The following ATP10A variants were observed in gnomAD, a reference collection of about 807,000 sequenced individuals.
ATP10A encodes phospholipid-transporting ATPase VA.
ATP10A carries 111 observed loss-of-function variants against 147.8 expected under a neutral mutation model. The ratio of observed to expected loss-of-function variants is 0.75; its 90% CI spans 0.64 to 0.88. The LOEUF is 0.88. Ranked by LOEUF, ATP10A falls within the 40% of genes least tolerant of loss-of-function variation. The pLI is 0.00. For missense variants in ATP10A, 1,927 were observed against 1,959.0 expected, an observed-to-expected ratio of 0.98 and a Z score of 0.31; for synonymous variants, 875 against 841.6, an observed-to-expected ratio of 1.04 and a Z score of -0.69.
At chr15:25,790,599 A>G (rs1890368226) in intron 1 of ATP10A, among the ~76,000 whole-genome samples, 1 of 152,242 alleles carries the variant, frequency 6.6e-6, no homozygotes, top group South Asian at 2.1e-4. Flanking sequence ...ACTCACTACA[A>G]TGCAACACTG....
chr15:25,735,256 C>A (rs1352577301), intron 3 of ATP10A, among the ~76,000 whole-genome samples: 1 of 152,190 alleles, frequency 6.6e-6, no homozygotes, highest in Non-Finnish European at 1.5e-5. Context: ...CTCCAGAAGA[C>A]CATCCCCAAG....
intron 3 of ATP10A, among the ~76,000 whole-genome samples, chr15:25,728,768 G>C (rs532270721): frequency 6.6e-6 from 1 of 152,360 alleles, no homozygotes; most frequent in East Asian, 1.9e-4. Context: ...AGCAACTACT[G>C]TGATTTCTGA....
chr15:25,804,554 G>T (rs1412390972), intron 1 of ATP10A, among the ~76,000 whole-genome samples: 1 of 152,052 alleles, frequency 6.6e-6, no homozygotes, highest in Non-Finnish European at 1.5e-5. Context: ...ACACGGAAAG[G>T]ACAAATGACA....
In ATP10A at chr15:25,679,788, G is replaced by T; in HGVS notation, c.4053C>A (p.Ser1351=). 6.2e-7 allele frequency: 1 copy of T among 1,612,840 alleles called. No homozygotes were observed. Among genetic ancestry groups the T allele is most frequent in the Non-Finnish European group, 8.5e-7 (1 of 1,179,826 alleles). The change falls in exon 21 of 21, where the codon TCC becomes TCA. Residue 1351 remains serine, a synonymous_variant. Transcript: ENST00000555815. The stretch of plus-strand genomic sequence containing the variant: ...GCTGCTGTGTGTGCCAAGAAGGCTG[G>T]GACAGGGGCACAGAGGTCTTGACTG... ...GRTVKTSVPL[S]QPSWHTQQPV...
chr15:25,808,405 TA>T (rs35454238), intron 1 of ATP10A, among the ~76,000 whole-genome samples: 81,849 of 152,040 alleles, frequency 0.54, 23,344 homozygotes, highest in East Asian at 0.8. Flanking sequence ...TTTTTTGAGA[TA>T]AGAGTTTTGC....
chr15:25,807,514 C>T (rs1345668644), intron 1 of ATP10A, among the ~76,000 whole-genome samples: 1 of 152,108 alleles, frequency 6.6e-6, no homozygotes, highest in Non-Finnish European at 1.5e-5. Flanking sequence ...AAAAGAAAAA[C>T]ACATGGGGCT....
At chr15:25,730,196 G>A (rs1336346861) in intron 3 of ATP10A, among the ~76,000 whole-genome samples, 5 of 151,866 alleles carry the variant, frequency 3.3e-5, no homozygotes, top group Non-Finnish European at 5.9e-5. Context: ...AGCTACTCAG[G>A]GAGGCTGAGG....
At chr15:25,692,821 G>T (rs1367410489) in intron 14 of ATP10A, among the ~76,000 whole-genome samples, 1 of 151,908 alleles carries the variant, frequency 6.6e-6, no homozygotes, top group East Asian at 1.9e-4. Flanking sequence ...TTTGAGACAG[G>T]GTCTCACTCT....
intron 1 of ATP10A, among the ~76,000 whole-genome samples, chr15:25,844,429 C>T (rs1208269229): frequency 6.6e-6 from 1 of 152,144 alleles, no homozygotes; most frequent in Non-Finnish European, 1.5e-5. Context: ...TATTTTATCA[C>T]CATGTTCCTA....
At chr15:25,691,237 C>T (rs1900017790) in intron 15 of ATP10A, among the ~76,000 whole-genome samples, 1 of 152,144 alleles carries the variant, frequency 6.6e-6, no homozygotes, top group Non-Finnish European at 1.5e-5. Context: ...ACTCCCAGAC[C>T]GAGAGTGAAC....
rs1254277874 is a variant in ATP10A, at chr15:25,701,996, C to T, written c.2680G>A (p.Glu894Lys). ...QIWVLTGDKQ[E>K]TAVNIAYACK... ...GCATATGCAATGTTGACAGCTGTTT[C>T]TTGTTTGTCACCAGTGAGAACCCAA... is the stretch of plus-strand genomic sequence containing the variant. The change falls in exon 13 of 21, where the codon GAA becomes AAA. Residue 894 changes from glutamate (E) to lysine (K), a missense_variant. Physicochemically the swap from Glu to Lys is moderately conservative, Grantham distance 56. Coordinates refer to ENST00000555815, the MANE Select transcript of ATP10A (RefSeq NM_024490.4). 2 of 1,614,202 alleles carry T rather than the reference C, an allele frequency of 1.2e-6. No homozygotes were observed. The highest frequency in any genetic ancestry group is 3.3e-5 in the Admixed American group (2 of 60,010).
downstream of ATP10A, among the ~76,000 whole-genome samples, chr15:25,672,744 T>C (rs1420907860): frequency 6.6e-6 from 1 of 152,202 alleles, no homozygotes; most frequent in Non-Finnish European, 1.5e-5. Context: ...ATTAGTGATG[T>C]TGAGTATGCC....
intron 1 of ATP10A, among the ~76,000 whole-genome samples, chr15:25,823,172 G>A (rs906070240): frequency 6.6e-6 from 1 of 152,014 alleles, no homozygotes; most frequent in South Asian, 2.1e-4. Context: ...TTAATGGAGG[G>A]TTTAATATTT....
intron 2 of ATP10A, among the ~76,000 whole-genome samples, chr15:25,749,060 C>CAAAAAAAA (rs1171259548): frequency 1.5e-5 from 1 of 67,478 alleles, no homozygotes; most frequent in African/African-American, 5.9e-5. Context: ...GAGACTCTGT[C>CAAAAAAAA]AAAAAAAAAA....
rs755033971 is a variant in ATP10A at position 25,681,058 on chromosome 15, G to A, written c.3509C>T (p.Thr1170Met). The A allele has an allele frequency of 9.3e-6, 15 of 1,613,844 alleles. No homozygotes were observed. Among genetic ancestry groups the A allele is most frequent in the Admixed American group, 1.7e-5 (1 of 60,028 alleles). The change falls in exon 18 of 21, where the codon ACG (threonine) becomes ATG (methionine). Residue 1170 changes from threonine to methionine, a missense_variant. Thr to Met is a moderately conservative substitution (Grantham distance 81). Transcript: ENST00000555815. ...GQNMEEYRPRTFWFNMADAAF... is the reference protein window; with the variant it reads ...GQNMEEYRPRMFWFNMADAAF... ...GGCGTCGGCCATGTTAAACCAGAACGTTCGTGGCCGGTATTCCTGGGACAC... is the reference window on the plus strand; with the variant it reads ...GGCGTCGGCCATGTTAAACCAGAACATTCGTGGCCGGTATTCCTGGGACAC...
chr15:25,749,203 C>T (rs1888019929), intron 2 of ATP10A, among the ~76,000 whole-genome samples: 1 of 151,872 alleles, frequency 6.6e-6, no homozygotes, highest in Non-Finnish European at 1.5e-5. Context: ...TAAACACACA[C>T]ACATTGAATT....
chr15:25,713,950 C>A lies in ATP10A; in HGVS notation c.2068G>T (p.Glu690Ter). 6.2e-7 allele frequency: 1 copy of A among 1,610,700 alleles called. No homozygotes were observed. Among genetic ancestry groups the A allele is most frequent in the Non-Finnish European group, 8.5e-7 (1 of 1,179,974 alleles). The change falls in exon 10 of 21, where the codon GAG becomes TAG. Residue 690 changes from glutamate to a stop codon, truncating the protein, a stop_gained. Transcript: ENST00000555815. LOFTEE classifies it high-confidence loss of function. ...ELAQEQESER[E>*]LRYEAESPDE... Reference sequence around the variant, plus strand: ...GGGCTCTCCGCCTCGTACCGCAGCTCGCGCTCTGACTCCTGCTCCTGAGCA... The same window carrying A: ...GGGCTCTCCGCCTCGTACCGCAGCTAGCGCTCTGACTCCTGCTCCTGAGCA...
At chr15:25,826,239 G>C (rs149592345) in intron 1 of ATP10A, among the ~76,000 whole-genome samples, 1 of 152,126 alleles carries the variant, frequency 6.6e-6, no homozygotes, top group African/African-American at 2.4e-5. Flanking sequence ...AAAAAAGAGA[G>C]ACAAAAAGAA....
intron 2 of ATP10A, among the ~76,000 whole-genome samples, chr15:25,763,989 T>G (rs547948612): frequency 6.6e-6 from 1 of 152,302 alleles, no homozygotes; most frequent in East Asian, 1.9e-4. Context: ...CCCACTTGCA[T>G]GCAAAACCAA....
Sources: gnomAD v4.1 joint callset for allele counts (sites outside exome capture counted in the v4.1 genomes callset) on GRCh38, gnomAD v4.1.1 for gene constraint, MANE v1.5 for transcripts, NCBI Gene and HGNC (gene_info 2026-07-23, HGNC 2026-07-21) for gene names.